The following CPNE8 variants were observed in gnomAD, a reference collection of about 807,000 sequenced individuals.
CPNE8 encodes the protein copine 8.
In CPNE8, 45 loss-of-function variants were observed where a neutral mutation model predicts 81.5. The observed-to-expected ratio is 0.55, with a 90% CI of 0.44 to 0.71. CPNE8 has a LOEUF of 0.71. CPNE8 is among the 30% of genes least tolerant of loss of function. The probability of loss-of-function intolerance (pLI) is 0.00; values close to 1 mark genes in which losing one functional copy is unlikely to be tolerated. For synonymous variants in CPNE8, 252 were observed against 226.3 expected (o/e 1.11, Z -1.02); for missense variants, 594 against 672.1 (o/e 0.88, Z 1.28).
chr12:38,884,051 A>G (rs1163302070), intron 1 of CPNE8, among the ~76,000 whole-genome samples: 1 of 152,194 alleles, frequency 6.6e-6, no homozygotes, highest in Non-Finnish European at 1.5e-5. Flanking sequence ...ATGAAATACT[A>G]TAAAATTTGC....
At chr12:38,823,050 T>A (rs1163570334) in intron 6 of CPNE8, among the ~76,000 whole-genome samples, 1 of 152,146 alleles carries the variant, frequency 6.6e-6, no homozygotes, top group African/African-American at 2.4e-5. Context: ...CATTCTCCTA[T>A]CCCTCTTCCT....
chr12:38,892,486 C>A (rs1944326882), intron 1 of CPNE8, among the ~76,000 whole-genome samples: 1 of 151,928 alleles, frequency 6.6e-6, no homozygotes, highest in African/African-American at 2.4e-5. Flanking sequence ...AGGAGGTGAC[C>A]GACACTTTGG....
At chr12:38,857,720 G>C (rs962096194) in intron 3 of CPNE8, among the ~76,000 whole-genome samples, 5 of 152,134 alleles carry the variant, frequency 3.3e-5, no homozygotes, top group African/African-American at 9.7e-5. Context: ...AGACCAGCCT[G>C]GCCAACATGG....
intron 10 of CPNE8, among the ~76,000 whole-genome samples, chr12:38,731,961 A>T (rs576964315): frequency 6.6e-6 from 1 of 151,912 alleles, no homozygotes; most frequent in African/African-American, 2.4e-5. Context: ...ATCCTCCTCC[A>T]TTGCTATGCA....
chr12:38,655,843 A>C (rs900788196), intron 19 of CPNE8, among the ~76,000 whole-genome samples: 19 of 152,118 alleles, frequency 1.2e-4, no homozygotes, highest in Non-Finnish European at 2.9e-5. Flanking sequence ...ATGTGACTAA[A>C]ATTTTACCTT....
intron 10 of CPNE8, among the ~76,000 whole-genome samples, chr12:38,730,563 A>C (rs939760953): frequency 7.9e-5 from 12 of 151,774 alleles, no homozygotes; most frequent in Non-Finnish European, 1.6e-4. Flanking sequence ...GGACAATTTC[A>C]TTAATATTCA....
chr12:38,656,585 C>T (rs1425635070), intron 19 of CPNE8, among the ~76,000 whole-genome samples: 3 of 152,122 alleles, frequency 2.0e-5, no homozygotes, highest in Admixed American at 6.5e-5. Context: ...GTTTCAAAGC[C>T]TGGTTCTGCT....
intron 5 of CPNE8, 113 bp downstream of exon 5, chr12:38,839,803 A>T (rs764793881): frequency 7.3e-6 from 7 of 964,492 alleles, no homozygotes; most frequent in Non-Finnish European, 9.8e-6. Context: ...ATTTTCTATG[A>T]CAATCACGTT....
chr12:38,764,123 C>T (rs1047774865), intron 8 of CPNE8, among the ~76,000 whole-genome samples: 1 of 152,098 alleles, frequency 6.6e-6, no homozygotes, highest in African/African-American at 2.4e-5. Flanking sequence ...GTTCTCAGAG[C>T]TGACTCACCT....
rs188708823 is a variant in CPNE8 at position 38,761,769 on chromosome 12, G to T, written c.680+343C>A. ...CCTGTGCTATAACTATGGAACTTTT[G>T]TGAATCAGCAACCATGAGTTATGCC... On this transcript the variant is annotated intron_variant, in intron 9 of 19. Coordinates refer to ENST00000331366, the MANE Select transcript of CPNE8 (RefSeq NM_153634.3). Among the ~76,000 whole-genome samples, 386 of 152,254 alleles carry T rather than the reference G, an allele frequency of 2.5e-3. 1 individual carries two copies. The highest frequency in any genetic ancestry group is 8.9e-3 in the African/African-American group (368 of 41,558).
In CPNE8 at chr12:38,674,476, T is replaced by C. The variant is rs75111252; in HGVS notation, c.1432+1241A>G. On this transcript the variant is annotated intron_variant, in intron 18 of 19. Transcript: ENST00000331366. ...GGTGAAGTTTGTGAATCACAGTCTATCACTAGTTAATGCAGATTATCAAGT... is the reference window on the plus strand; with the variant it reads ...GGTGAAGTTTGTGAATCACAGTCTACCACTAGTTAATGCAGATTATCAAGT... Among the ~76,000 whole-genome samples, 1,122 of 152,282 alleles carry C rather than the reference T, an allele frequency of 7.4e-3. 11 individuals are homozygous for C. Among genetic ancestry groups the C allele is most frequent in the African/African-American group, 0.021 (862 of 41,564 alleles).
intron 10 of CPNE8, among the ~76,000 whole-genome samples, chr12:38,749,771 GCATT>G (rs373296611): frequency 7.9e-5 from 12 of 152,090 alleles, no homozygotes; most frequent in African/African-American, 2.7e-4. Flanking sequence ...GCTGTTAAAG[GCATT>G]CAGTTTCATA....
intron 6 of CPNE8, among the ~76,000 whole-genome samples, chr12:38,814,985 C>A (rs1328161174): frequency 2.0e-5 from 3 of 152,122 alleles, no homozygotes; most frequent in Non-Finnish European, 2.9e-5. Flanking sequence ...ACGTATGATA[C>A]TTTCTGCTTT....
At position 38,653,668 on chromosome 12, in the gene CPNE8, A is replaced by G; in HGVS notation, c.*214T>C. 1 of 484,720 alleles carries G rather than the reference A, an allele frequency of 2.1e-6. No homozygotes were observed. The highest frequency in any genetic ancestry group is 3.3e-6 in the Non-Finnish European group (1 of 300,888). 30.0% of individuals were successfully genotyped at this position (484,720 alleles called of 1,614,324 possible). A position where few individuals can be genotyped will look rare whatever the true frequency, so the allele number is the denominator to read the frequency against. On this transcript the variant is annotated 3_prime_UTR_variant, in exon 20 of 20. Coordinates refer to ENST00000331366, the MANE Select transcript of CPNE8 (RefSeq NM_153634.3). ...GAGAAGACATCCATACTTTGCTTCA[A>G]GCATTTAAACAATTTTTTCTGTTGC... is the stretch of plus-strand genomic sequence containing the variant.
intron 1 of CPNE8, among the ~76,000 whole-genome samples, chr12:38,895,203 G>A (rs530637379): frequency 7.2e-4 from 110 of 152,044 alleles, no homozygotes; most frequent in East Asian, 9.7e-4. Context: ...TATTAATATC[G>A]AAGTAGTTAT....
At chr12:38,881,164 C>A (rs1040358571) in intron 1 of CPNE8, among the ~76,000 whole-genome samples, 2 of 149,952 alleles carry the variant, frequency 1.3e-5, no homozygotes, top group African/African-American at 4.9e-5. Context: ...GAGCCGAGAT[C>A]GCACCACTGC....
At chr12:38,765,065 G>A (rs1941659583) in intron 8 of CPNE8, among the ~76,000 whole-genome samples, 1 of 152,140 alleles carries the variant, frequency 6.6e-6, no homozygotes, top group Admixed American at 6.5e-5. Flanking sequence ...TTTCCTCTGA[G>A]GGAAGGCATG....
intron 10 of CPNE8, among the ~76,000 whole-genome samples, chr12:38,744,884 C>T (rs1387931061): frequency 6.6e-6 from 1 of 152,156 alleles, no homozygotes; most frequent in Non-Finnish European, 1.5e-5. Context: ...CTTTTTCTTA[C>T]CTTTCCTACC....
chr12:38,713,921 T>A (rs533240160), intron 13 of CPNE8, among the ~76,000 whole-genome samples: 2 of 152,258 alleles, frequency 1.3e-5, no homozygotes, highest in South Asian at 2.1e-4. Flanking sequence ...CATGTTGACA[T>A]GAAATTCTAG....
Sources: allele counts gnomAD v4.1 joint callset (sites outside exome capture counted in the v4.1 genomes callset), GRCh38; gene constraint gnomAD v4.1.1; transcripts MANE v1.5; gene names NCBI Gene and HGNC (gene_info 2026-07-23, HGNC 2026-07-21).